Variants in SRGAP2C observed in about 807,000 individuals in gnomAD.
The protein encoded by SRGAP2C is SLIT-ROBO Rho GTPase-activating protein 2C.
In SRGAP2C, 15 loss-of-function variants were observed where a neutral mutation model predicts 25.1. That is an observed-to-expected ratio of 0.60 (90% CI 0.40 to 0.92). The LOEUF (loss-of-function observed/expected upper bound fraction) is 0.92, where lower values mean the gene tolerates loss of function less well. Among genes scored for constraint, SRGAP2C ranks in the 40% least tolerant of loss-of-function variants. The pLI is 0.00. For missense variants in SRGAP2C, 144 were observed against 264.4 expected, an observed-to-expected ratio of 0.54 and a Z score of 3.16; for synonymous variants, 44 against 96.6, an observed-to-expected ratio of 0.46 and a Z score of 3.19.
intron 3 of SRGAP2C, among the ~76,000 whole-genome samples, chr1:121,307,845 A>T (rs1294256222): frequency 6.7e-6 from 1 of 150,300 alleles, no homozygotes; most frequent in Non-Finnish European, 1.5e-5. Context: ...GAAGGAACTG[A>T]AGGGTCATTT....
intron 2 of SRGAP2C, among the ~76,000 whole-genome samples, chr1:121,273,582 G>A (rs1391297361): frequency 3.9e-4 from 58 of 148,652 alleles, no homozygotes; most frequent in Admixed American, 8.1e-4. Flanking sequence ...AGGGAAGGAG[G>A]GAGAACATAA....
chr1:121,314,603 C>G (rs1553340381), intron 3 of SRGAP2C, among the ~76,000 whole-genome samples: 5 of 150,740 alleles, frequency 3.3e-5, no homozygotes, highest in African/African-American at 1.2e-4. Context: ...GATGGGTTTT[C>G]GGTGTGGATG....
intron 2 of SRGAP2C, among the ~76,000 whole-genome samples, chr1:121,208,281 A>G (rs1350646123): frequency 1.3e-5 from 2 of 152,082 alleles, no homozygotes; most frequent in Admixed American, 6.6e-5. Context: ...TTTCTGGGCC[A>G]TACTTGAAAT....
intron 7 of SRGAP2C, among the ~76,000 whole-genome samples, chr1:121,378,369 CTT>C (rs1221828684): frequency 1.6e-5 from 2 of 124,626 alleles, no homozygotes; most frequent in Non-Finnish European, 3.3e-5. Flanking sequence ...GAAAGTTTCT[CTT>C]GTCTCTTCCC....
intron 3 of SRGAP2C, among the ~76,000 whole-genome samples, chr1:121,289,329 TCC>T (rs1657444383): frequency 6.7e-6 from 1 of 149,926 alleles, no homozygotes; most frequent in African/African-American, 2.5e-5. Flanking sequence ...CAGTACACCC[TCC>T]GCAGCCACTG....
chr1:121,231,675 A>G (rs1461590244), intron 2 of SRGAP2C, among the ~76,000 whole-genome samples: 2 of 150,966 alleles, frequency 1.3e-5, no homozygotes, highest in East Asian at 3.9e-4. Context: ...TTTTCTCATT[A>G]TTGATGTGAG....
rs1553340611 is a variant in SRGAP2C, at chr1:121,316,336, G to A, written c.261-8142G>A. The stretch of plus-strand genomic sequence containing the variant: ...AAAAGTGTGTGGATTTCTGAGTGAC[G>A]TCATTCCACTTTGGCACAGACAGGT... On this transcript the variant is annotated intron_variant, in intron 3 of 9. Coordinates refer to ENST00000367123, the MANE Select transcript of SRGAP2C (RefSeq NM_001329984.2). 2.6e-4 allele frequency among the ~76,000 whole-genome samples: 20 copies of A among 76,220 alleles called. 9 individuals carry two copies. Among genetic ancestry groups the A allele is most frequent in the Non-Finnish European group, 2.6e-4 (10 of 38,780 alleles). 50.0% of individuals were successfully genotyped at this position (76,220 alleles called of 152,430 possible).
At chr1:121,357,526 A>G (rs1198720633) in intron 4 of SRGAP2C, among the ~76,000 whole-genome samples, 8 of 151,252 alleles carry the variant, frequency 5.3e-5, no homozygotes, top group Non-Finnish European at 1.0e-4. Flanking sequence ...TTGTTTTGGG[A>G]GTTTTGTTTT....
At chr1:121,218,866 T>C (rs1553325236) in intron 2 of SRGAP2C, among the ~76,000 whole-genome samples, 1 of 151,870 alleles carries the variant, frequency 6.6e-6, no homozygotes, top group Non-Finnish European at 1.5e-5. Context: ...TCATAAATTA[T>C]ACACTTAACA....
chr1:121,297,049 T>C (rs1402296723), intron 3 of SRGAP2C, among the ~76,000 whole-genome samples: 2 of 152,010 alleles, frequency 1.3e-5, no homozygotes, highest in East Asian at 2.0e-4. Flanking sequence ...GGGAGCTGTT[T>C]GTTCCCTCAG....
intron 2 of SRGAP2C, among the ~76,000 whole-genome samples, chr1:121,212,463 G>T (rs1349390716): frequency 4.6e-5 from 7 of 151,928 alleles, no homozygotes; most frequent in African/African-American, 1.5e-4. Flanking sequence ...GACTTAAAAG[G>T]AGCATTTGCA....
rs587715959 is a variant in SRGAP2C, at chr1:121,365,392, G to A, written c.486+37G>A. 88 of 393,004 alleles carry A rather than the reference G, an allele frequency of 2.2e-4. 28 individuals are homozygous for A. The highest frequency in any genetic ancestry group is 1.9e-3 in the South Asian group (83 of 43,102). 24.3% of individuals were successfully genotyped at this position (393,004 alleles called of 1,614,324 possible). ...GGGTTGCTTGGCTCTTTAACAAGCA[G>A]AGGGAAGCAGCATTTGGCAGCTTGC... On this transcript the variant is annotated intron_variant, in intron 5 of 9. Transcript: ENST00000367123.
At chr1:121,338,543 G>A (rs1247247298) in intron 4 of SRGAP2C, among the ~76,000 whole-genome samples, 1 of 134,194 alleles carries the variant, frequency 7.5e-6, no homozygotes, top group East Asian at 2.1e-4. Context: ...AGCCCTTGGG[G>A]TTTTTTGTTT....
At chr1:121,265,247 C>T (rs1656743900) in intron 2 of SRGAP2C, among the ~76,000 whole-genome samples, 1 of 138,106 alleles carries the variant, frequency 7.2e-6, no homozygotes, top group Middle Eastern at 3.7e-3. Flanking sequence ...TTTTGTGAAC[C>T]CCCTCAGGAA....
intron 3 of SRGAP2C, among the ~76,000 whole-genome samples, chr1:121,304,165 C>T (rs1288998277): frequency 5.6e-4 from 78 of 140,292 alleles, no homozygotes; most frequent in African/African-American, 1.9e-3. Context: ...GAGCCGAGAT[C>T]GTGCCACTGC....
intron 3 of SRGAP2C, among the ~76,000 whole-genome samples, chr1:121,290,397 G>A: frequency 6.6e-6 from 1 of 151,972 alleles, no homozygotes. Flanking sequence ...TTTATAGCTG[G>A]TTTACTCCAA....
At chr1:121,297,678 C>A (rs1252966191) in intron 3 of SRGAP2C, among the ~76,000 whole-genome samples, 5 of 146,858 alleles carry the variant, frequency 3.4e-5, no homozygotes, top group Non-Finnish European at 7.5e-5. Flanking sequence ...TAGTTAAGAT[C>A]ACAAGTTCTG....
intron 2 of SRGAP2C, among the ~76,000 whole-genome samples, chr1:121,196,238 G>A (rs1368391647): frequency 3.9e-5 from 2 of 51,160 alleles, no homozygotes; most frequent in Non-Finnish European, 7.1e-5. Flanking sequence ...AGCCGAGATC[G>A]TGCCCTTGCA....
intron 3 of SRGAP2C, among the ~76,000 whole-genome samples, chr1:121,315,258 C>A (rs1218182788): frequency 2.0e-5 from 3 of 152,070 alleles, no homozygotes; most frequent in Non-Finnish European, 4.4e-5. Flanking sequence ...ATCTTCCCAC[C>A]TCAGCCTCCT....
Sources: gnomAD v4.1 joint callset for allele counts (sites outside exome capture counted in the v4.1 genomes callset) on GRCh38, gnomAD v4.1.1 for gene constraint, MANE v1.5 for transcripts, NCBI Gene and HGNC (gene_info 2026-07-23, HGNC 2026-07-21) for gene names.